SLC38A6: variants seen among roughly 807,000 people sequenced by gnomAD.
The protein encoded by SLC38A6 is N system amino acid transporter NAT-1.
In SLC38A6, 73 loss-of-function variants were observed where a neutral mutation model predicts 65.0. The observed-to-expected ratio is 1.12, with a 90% CI of 0.93 to 1.37. The LOEUF (loss-of-function observed/expected upper bound fraction) is 1.37, where lower values mean the gene tolerates loss of function less well. SLC38A6 is among the 40% of genes most tolerant of loss of function. SLC38A6 has a pLI of 0.00. For missense variants in SLC38A6, 561 were observed against 531.1 expected (o/e 1.06, Z -0.55); for synonymous variants, 183 against 178.8 (o/e 1.02, Z -0.19).
intron 15 of SLC38A6, among the ~76,000 whole-genome samples, chr14:61,070,335 A>G (rs1162975803): frequency 1.3e-5 from 2 of 152,190 alleles, no homozygotes; most frequent in African/African-American, 4.8e-5. Context: ...GGCTTGTTTC[A>G]CTTAGCATAT....
chr14:61,025,915 G>A (rs2040585918), intron 5 of SLC38A6, among the ~76,000 whole-genome samples: 1 of 152,146 alleles, frequency 6.6e-6, no homozygotes, highest in Non-Finnish European at 1.5e-5. Flanking sequence ...GAATCTCTCT[G>A]AGACAGAAAG....
At chr14:60,990,633 CA>C (rs35541118) in intron 3 of SLC38A6, among the ~76,000 whole-genome samples, 3 of 151,932 alleles carry the variant, frequency 2.0e-5, no homozygotes, top group Admixed American at 2.0e-4. Flanking sequence ...CCCTTCACTT[CA>C]AAAAAAATTT....
intron 3 of SLC38A6, among the ~76,000 whole-genome samples, chr14:61,001,418 A>G (rs2038701574): frequency 6.6e-6 from 1 of 152,166 alleles, no homozygotes; most frequent in Admixed American, 6.5e-5. Flanking sequence ...ATTTTTTGTT[A>G]TTGAGTTGCA....
At chr14:60,999,996 C>T (rs2038591431) in intron 3 of SLC38A6, among the ~76,000 whole-genome samples, 2 of 152,120 alleles carry the variant, frequency 1.3e-5, no homozygotes, top group Admixed American at 1.3e-4. Context: ...ACACTACTTA[C>T]ATAATATAAT....
intron 15 of SLC38A6, among the ~76,000 whole-genome samples, chr14:61,060,888 G>C (rs1188469478): frequency 1.4e-5 from 2 of 138,678 alleles, no homozygotes; most frequent in Non-Finnish European, 3.1e-5. Context: ...CGATTTTCCA[G>C]GTGCGTCCGT....
At chr14:61,015,792 G>A (rs1159226425) in intron 3 of SLC38A6, 112 bp from the exon 4 acceptor site, 3 of 698,188 alleles carry the variant, frequency 4.3e-6, no homozygotes, top group Non-Finnish European at 6.6e-6. Context: ...TGATTGGCCT[G>A]GATCATAAGA....
intron 5 of SLC38A6, among the ~76,000 whole-genome samples, chr14:61,029,900 T>C (rs2139656380): frequency 6.6e-6 from 1 of 152,268 alleles, no homozygotes; most frequent in South Asian, 2.1e-4. Flanking sequence ...TTTTATCCTA[T>C]AATTATATGT....
chr14:61,018,300 A>G (rs1228052531), intron 4 of SLC38A6, among the ~76,000 whole-genome samples: 1 of 152,238 alleles, frequency 6.6e-6, no homozygotes, highest in Non-Finnish European at 1.5e-5. Flanking sequence ...TTCACAAATA[A>G]CTTCGACATT....
intron 3 of SLC38A6, chr14:61,004,731 G>A (rs768419069): frequency 6.6e-6 from 1 of 152,336 alleles, no homozygotes; most frequent in Admixed American, 6.5e-5. Context: ...GGACCAGATG[G>A]ATTCGCAGCC....
intron 15 of SLC38A6, among the ~76,000 whole-genome samples, chr14:61,074,652 C>T (rs1333761640): frequency 6.6e-6 from 1 of 152,040 alleles, no homozygotes; most frequent in African/African-American, 2.4e-5. Flanking sequence ...ATTCTGTCCA[C>T]AGAACTTTCT....
intron 3 of SLC38A6, among the ~76,000 whole-genome samples, chr14:61,007,794 G>A (rs1176811418): frequency 1.3e-5 from 2 of 152,160 alleles, no homozygotes; most frequent in Admixed American, 6.5e-5. Flanking sequence ...AAAATGATAT[G>A]TACATAATTT....
At chr14:61,013,463 C>T (rs1404456388) in intron 3 of SLC38A6, among the ~76,000 whole-genome samples, 2 of 152,186 alleles carry the variant, frequency 1.3e-5, no homozygotes, top group African/African-American at 2.4e-5. Flanking sequence ...TTAGTTGATG[C>T]AGTTTCTTCC....
At chr14:61,062,313 C>T (rs1287556478) in intron 15 of SLC38A6, among the ~76,000 whole-genome samples, 1 of 152,188 alleles carries the variant, frequency 6.6e-6, no homozygotes, top group East Asian at 1.9e-4. Context: ...TGTTGTCTTA[C>T]ATCCTCACCA....
intron 8 of SLC38A6, among the ~76,000 whole-genome samples, chr14:61,042,233 G>T (rs375922589): frequency 7.9e-5 from 12 of 152,178 alleles, no homozygotes; most frequent in Admixed American, 5.2e-4. Context: ...TTTTATCACT[G>T]TGTAAAATTT....
At chr14:61,004,852 C>T (rs1461919734) in intron 3 of SLC38A6, among the ~76,000 whole-genome samples, 1 of 152,116 alleles carries the variant, frequency 6.6e-6, no homozygotes, top group Non-Finnish European at 1.5e-5. Flanking sequence ...CCAGCATCAT[C>T]CTGATACCAA....
chr14:61,014,657 C>G (rs1292128225), intron 3 of SLC38A6, among the ~76,000 whole-genome samples: 3 of 152,164 alleles, frequency 2.0e-5, no homozygotes, highest in Admixed American at 6.5e-5. Flanking sequence ...CACTCCAGAC[C>G]CTTTTTGTCT....
At chr14:61,063,815 A>G (rs889695730) in intron 15 of SLC38A6, among the ~76,000 whole-genome samples, 2 of 152,210 alleles carry the variant, frequency 1.3e-5, no homozygotes, top group African/African-American at 4.8e-5. Flanking sequence ...CGTAACCTCT[A>G]TAAGCCTCCA....
chr14:60,982,570 T>C lies in SLC38A6; in HGVS notation c.168T>C (p.Asn56=). The change falls in exon 2 of 16, where the codon AAT becomes AAC. Residue 56 remains asparagine (N), a synonymous_variant. Coordinates refer to ENST00000267488, the MANE Select transcript of SLC38A6 (RefSeq NM_153811.3). ...SFGLSVFNLM[N]AIMGSGILGL... ...GTTTATCAGTGTTTAATTTGATGAA[T>C]GCCATCATGGGAAGTGGCATCCTTG... 6.2e-7 allele frequency: 1 copy of C among 1,614,090 alleles called. No homozygotes were observed. The highest frequency in any genetic ancestry group is 1.1e-5 in the South Asian group (1 of 91,066).
At chr14:61,066,877 A>G (rs886790526) in intron 15 of SLC38A6, among the ~76,000 whole-genome samples, 19 of 152,188 alleles carry the variant, frequency 1.2e-4, no homozygotes, top group African/African-American at 4.1e-4. Context: ...GTGGACAGAT[A>G]CACAACACAA....
Sources: gnomAD v4.1 joint callset for allele counts (sites outside exome capture counted in the v4.1 genomes callset) on GRCh38, gnomAD v4.1.1 for gene constraint, MANE v1.5 for transcripts, NCBI Gene and HGNC (gene_info 2026-07-23, HGNC 2026-07-21) for gene names.